SLC16A6: variants seen among roughly 807,000 people sequenced by gnomAD.
The protein encoded by SLC16A6 is monocarboxylate transporter 7.
A neutral mutation model predicts 33.8 loss-of-function variants in SLC16A6; 15 were observed. The ratio of observed to expected loss-of-function variants is 0.44; its 90% CI spans 0.30 to 0.68. The LOEUF (loss-of-function observed/expected upper bound fraction) is 0.68, where lower values mean the gene tolerates loss of function less well. Among genes scored for constraint, SLC16A6 ranks in the 30% least tolerant of loss-of-function variants. The pLI is 0.10. For missense variants in SLC16A6, 451 were observed against 661.5 expected (o/e 0.68, Z 3.49); for synonymous variants, 219 against 248.4 (o/e 0.88, Z 1.11).
rs1350935230 is a variant in SLC16A6, at chr17:68,268,919, A to G, written c.*177T>C. 7.0e-7 allele frequency: 1 copy of G among 1,420,270 alleles called. No individual in the cohort carries two copies. The highest frequency in any genetic ancestry group is 1.7e-5 in the African/African-American group (1 of 59,230). The allele number at this position is 1,420,270 out of a possible 1,614,324, so 88.0% of individuals were successfully genotyped here. On this transcript the variant is annotated 3_prime_UTR_variant, in exon 6 of 6. Transcript: ENST00000580666. ...AAACAAGCAAAAAAAAAAAGCTTAAAACAAAACAAAACAAAACAAAAGCGA... is the reference window on the plus strand; with the variant it reads ...AAACAAGCAAAAAAAAAAAGCTTAAGACAAAACAAAACAAAACAAAAGCGA...
intron 1 of SLC16A6, among the ~76,000 whole-genome samples, chr17:68,278,991 T>C (rs1244528436): frequency 5.3e-5 from 8 of 152,178 alleles, no homozygotes; most frequent in African/African-American, 1.4e-4. Context: ...TATATGTATA[T>C]ACAAATCTTG....
At chr17:68,279,542 G>A (rs2075627536) in intron 1 of SLC16A6, among the ~76,000 whole-genome samples, 1 of 152,104 alleles carries the variant, frequency 6.6e-6, no homozygotes, top group African/African-American at 2.4e-5. Context: ...AGAATATGGT[G>A]TCTAAATAAG....
intron 3 of SLC16A6, 29 bp downstream of exon 3, chr17:68,273,898 C>T (rs782428728): frequency 8.1e-6 from 13 of 1,609,562 alleles, no homozygotes; most frequent in African/African-American, 5.3e-5. Flanking sequence ...AGTGTCTAGA[C>T]AACTTCTGAG....
At chr17:68,289,081 C>T (rs1302992881) in intron 1 of SLC16A6, among the ~76,000 whole-genome samples, 4 of 152,126 alleles carry the variant, frequency 2.6e-5, no homozygotes, top group African/African-American at 9.7e-5. Flanking sequence ...TGCGGTAGCT[C>T]ATGCCTATAA....
chr17:68,276,351 AG>A (rs1291637072), intron 2 of SLC16A6, among the ~76,000 whole-genome samples: 1 of 152,224 alleles, frequency 6.6e-6, no homozygotes, highest in African/African-American at 2.4e-5. Context: ...CATTTAAAGA[AG>A]GGCTTTAATT....
intron 5 of SLC16A6, among the ~76,000 whole-genome samples, chr17:68,270,075 A>G (rs1329670780): frequency 6.6e-6 from 1 of 152,200 alleles, no homozygotes; most frequent in Non-Finnish European, 1.5e-5. Context: ...CCCTCCTACA[A>G]GGAAATATTC....
chr17:68,281,476 G>A (rs1403026554), intron 1 of SLC16A6, among the ~76,000 whole-genome samples: 1 of 152,130 alleles, frequency 6.6e-6, no homozygotes, highest in Non-Finnish European at 1.5e-5. Context: ...TCGCGAGGCT[G>A]AGGCAGGAGA....
intron 1 of SLC16A6, among the ~76,000 whole-genome samples, chr17:68,283,886 A>C (rs536731087): frequency 1.8e-4 from 27 of 150,538 alleles, no homozygotes; most frequent in African/African-American, 6.6e-4. Context: ...CTCAAAAAAA[A>C]AAAAAAAAAA....
chr17:68,273,995 G>A lies in SLC16A6; in HGVS notation c.308C>T (p.Thr103Ile), dbSNP rs1192327611. 3.7e-6 allele frequency: 6 copies of A among 1,614,040 alleles called. No homozygotes were observed. Among genetic ancestry groups the A allele is most frequent in the East Asian group, 2.2e-5 (1 of 44,898 alleles). The change falls in exon 3 of 6, where the codon ACC (threonine) becomes ATC (isoleucine). Residue 103 changes from threonine to isoleucine, a missense_variant. By Grantham distance (89) the Thr-to-Ile change is moderately conservative. Coordinates refer to ENST00000580666, the MANE Select transcript of SLC16A6 (RefSeq NM_004694.5). ...TGAGAAGGAGGCGGCCACCATCCCG[G>A]TGCTGACAAGTAGCCCCCCCAACAT... Reference protein sequence around the residue: ...VVMLGGLLVSTGMVAASFSQE... With the variant: ...VVMLGGLLVSIGMVAASFSQE...
chr17:68,276,500 A>G (rs916535422), intron 2 of SLC16A6, among the ~76,000 whole-genome samples: 1 of 151,222 alleles, frequency 6.6e-6, no homozygotes, highest in Non-Finnish European at 1.5e-5. Flanking sequence ...CCAGGCTGGA[A>G]TGCAATGGCA....
Position 68,283,999 on chromosome 17 carries a change from G to A in SLC16A6, c.-7-5672C>T, listed in dbSNP as rs190127802. Among the ~76,000 whole-genome samples, 37 of 149,196 alleles carry A rather than the reference G, an allele frequency of 2.5e-4. No homozygotes were observed. The East Asian group carries it at 6.9e-3, about 28-fold the overall frequency. ...CCAGCTACCCAGGAGGCTGAGGCAC[G>A]AGAATCACTTGAACCTAGGAGTCGG... On this transcript the variant is annotated intron_variant, in intron 1 of 5. Coordinates refer to ENST00000580666, the MANE Select transcript of SLC16A6 (RefSeq NM_004694.5).
At chr17:68,284,758 C>T (rs2075803537) in intron 1 of SLC16A6, among the ~76,000 whole-genome samples, 1 of 152,194 alleles carries the variant, frequency 6.6e-6, no homozygotes, top group Admixed American at 6.5e-5. Flanking sequence ...ACTATATATT[C>T]ACTTTATACA....
chr17:68,269,102 C>T lies in SLC16A6; in HGVS notation c.1566G>A (p.Pro522=), dbSNP rs782410568. The change falls in exon 6 of 6, where the codon CCG becomes CCA. Residue 522 remains proline (P), a synonymous_variant. Coordinates refer to ENST00000580666, the MANE Select transcript of SLC16A6 (RefSeq NM_004694.5). ...NEHRVHVQME[P]V The stretch of plus-strand genomic sequence containing the variant: ...GTTGTTGTAAGAAAGTGTGTCATAC[C>T]GGCTCCATTTGCACGTGAACTCTGT... 6.6e-6 allele frequency: 10 copies of T among 1,521,296 alleles called. No homozygotes were observed. Among genetic ancestry groups the T allele is most frequent in the African/African-American group, 1.4e-5 (1 of 70,862 alleles). The allele number at this position is 1,521,296 out of a possible 1,614,324, so 94.2% of individuals were successfully genotyped here. A position where few individuals can be genotyped will look rare whatever the true frequency, so the allele number is the denominator to read the frequency against.
chr17:68,274,291 C>A (rs1266074688), intron 2 of SLC16A6: 6 of 404,442 alleles, frequency 1.5e-5, no homozygotes, highest in Non-Finnish European at 2.3e-5. Context: ...CATGGTGAAA[C>A]CCCGTCTCTA....
chr17:68,275,068 C>T (rs562607229), intron 2 of SLC16A6, among the ~76,000 whole-genome samples: 2 of 152,314 alleles, frequency 1.3e-5, no homozygotes, highest in South Asian at 4.1e-4. Flanking sequence ...GCGTGAGCCA[C>T]CGCGCCCAGC....
chr17:68,278,239 C>T lies in SLC16A6; in HGVS notation c.82G>A (p.Ala28Thr), dbSNP rs2075587816. 6.2e-7 allele frequency: 1 copy of T among 1,614,194 alleles called. No individual in the cohort carries two copies. The highest frequency in any genetic ancestry group is 2.2e-5 in the East Asian group (1 of 44,882). Residue 28 changes from alanine (A) to threonine (T), a missense_variant, in exon 2 of 6, where the codon GCT (alanine) becomes ACT (threonine). By Grantham distance (58) the Ala-to-Thr change is moderately conservative. Around this residue, in one of 2 missense-constraint regions of SLC16A6, gnomAD observed 405 missense variants for 510.7 expected, o/e 0.79. Coordinates refer to ENST00000580666, the MANE Select transcript of SLC16A6 (RefSeq NM_004694.5). ...VPDGGWGWAV[A>T]VSFFFVEVFT... is the part of the protein sequence containing the mutation. ...ACTTCAACGAAGAAAAATGAAACAG[C>T]TACCGCCCAGCCCCATCCTCCATCA...
chr17:68,267,029 C>T lies in SLC16A6; in HGVS notation c.*2067G>A, dbSNP rs1172382599. The T allele has an allele frequency of 1.3e-5, 2 of 152,070 alleles. No individual in the cohort carries two copies. The highest frequency in any genetic ancestry group is 4.8e-5 in the African/African-American group (2 of 41,408). 9.4% of individuals were successfully genotyped at this position (152,070 alleles called of 1,614,324 possible). On this transcript the variant is annotated 3_prime_UTR_variant, in exon 6 of 6. Coordinates refer to ENST00000580666, the MANE Select transcript of SLC16A6 (RefSeq NM_004694.5). ...AAAAATCTTAGAAGAGAATCGGTCT[C>T]TTTAAATAAAAAATCCATAAATTTA...
At chr17:68,287,153 T>C (rs2075859975) in intron 1 of SLC16A6, among the ~76,000 whole-genome samples, 1 of 152,108 alleles carries the variant, frequency 6.6e-6, no homozygotes, top group African/African-American at 2.4e-5. Flanking sequence ...CCGGCTAATT[T>C]TGTTTTAGTA....
At position 68,271,880 on chromosome 17, in the gene SLC16A6, G is replaced by A. The variant is rs529100147; in HGVS notation, c.506-226C>T. ...TGCAGTGGCCTGATCTCAGCTCACC[G>A]CAACCTCCACCTCCCGGGTTCAAGC... On this transcript the variant is annotated intron_variant, in intron 4 of 5. Transcript: ENST00000580666. This position sits in a 1 kb window ranked among gnomAD's most constrained non-coding sequence, Gnocchi z 5.3. 2.7e-4 allele frequency among the ~76,000 whole-genome samples: 41 copies of A among 152,216 alleles called. No individual in the cohort carries two copies. The highest frequency in any genetic ancestry group is 9.4e-4 in the African/African-American group (39 of 41,538).
Sources: gnomAD v4.1 joint callset for allele counts (sites outside exome capture counted in the v4.1 genomes callset) on GRCh38, gnomAD v4.1.1 for gene constraint, gnomAD v4.1.1 regional missense constraint, Gnocchi (gnomAD v3.1) non-coding constraint, MANE v1.5 for transcripts, NCBI Gene and HGNC (gene_info 2026-07-23, HGNC 2026-07-21) for gene names.